RANBP2: variants seen among roughly 807,000 people sequenced by gnomAD.
The protein encoded by RANBP2 is RAN binding protein 2.
Under a neutral mutation model 303.6 loss-of-function variants are expected in RANBP2, and 57 were observed. The ratio of observed to expected loss-of-function variants is 0.19; its 90% CI spans 0.15 to 0.23. The LOEUF is 0.23. Ranked by LOEUF, RANBP2 falls within the 10% of genes least tolerant of loss-of-function variation. The probability of loss-of-function intolerance (pLI) is 1.00; values close to 1 mark genes in which losing one functional copy is unlikely to be tolerated. For missense variants in RANBP2, 3,138 were observed against 3,780.8 expected (o/e 0.83, Z 4.46); for synonymous variants, 1,167 against 1,301.5 (o/e 0.90, Z 2.23).
At chr2:109,755,179 G>A in the RANBP2 span, among the ~76,000 whole-genome samples, 1 of 115,484 alleles carries the variant, frequency 8.7e-6, no homozygotes, top group African/African-American at 3.6e-5. Flanking sequence ...TAAGATTTCA[G>A]ATGCTAGGCA....
At chr2:109,078,912 A>AC in the RANBP2 span, among the ~76,000 whole-genome samples, 7 of 151,608 alleles carry the variant, frequency 4.6e-5, no homozygotes, top group African/African-American at 1.2e-4. Context: ...AATGGCATGA[A>AC]CCCGGGAGGC....
the RANBP2 span, among the ~76,000 whole-genome samples, chr2:109,045,540 G>T: frequency 6.6e-6 from 1 of 152,064 alleles, no homozygotes; most frequent in African/African-American, 2.4e-5. Context: ...AGCTAACAAC[G>T]ATCTGATATA....
the RANBP2 span, among the ~76,000 whole-genome samples, chr2:109,339,342 T>C: frequency 6.6e-6 from 1 of 151,980 alleles, no homozygotes; most frequent in African/African-American, 2.4e-5. Flanking sequence ...TAAGATGATG[T>C]GGTGGTTGGT....
chr2:109,031,487 G>C, the RANBP2 span, among the ~76,000 whole-genome samples: 1 of 152,240 alleles, frequency 6.6e-6, no homozygotes, highest in East Asian at 1.9e-4. Flanking sequence ...TCAATCAGTA[G>C]CAGCAGGGGA....
the RANBP2 span, among the ~76,000 whole-genome samples, chr2:109,699,753 G>A: frequency 1.3e-5 from 2 of 152,118 alleles, no homozygotes; most frequent in Admixed American, 1.3e-4. Context: ...ATATTGTTCA[G>A]GGGTCAACTG....
chr2:109,624,383 T>C, the RANBP2 span, among the ~76,000 whole-genome samples: 1 of 152,244 alleles, frequency 6.6e-6, no homozygotes, highest in Non-Finnish European at 1.5e-5. Flanking sequence ...ACTCTGACCA[T>C]TATTCTGAAC....
the RANBP2 span, among the ~76,000 whole-genome samples, chr2:109,076,102 G>A: frequency 1.3e-5 from 2 of 150,420 alleles, 1 homozygote; most frequent in Non-Finnish European, 3.0e-5. Context: ...TGACTAAAGT[G>A]GGATTTATCC....
the RANBP2 span, among the ~76,000 whole-genome samples, chr2:109,013,510 T>C: frequency 6.6e-6 from 1 of 152,112 alleles, no homozygotes; most frequent in Non-Finnish European, 1.5e-5. Context: ...GGGTGTGTGC[T>C]CCGGTGACGT....
the RANBP2 span, among the ~76,000 whole-genome samples, chr2:109,554,264 T>C: frequency 6.6e-6 from 1 of 152,162 alleles, no homozygotes. Context: ...CACGATGTAA[T>C]TCAAAAACAA....
At chr2:109,648,590 G>A in the RANBP2 span, among the ~76,000 whole-genome samples, 18 of 151,234 alleles carry the variant, frequency 1.2e-4, no homozygotes, top group South Asian at 4.2e-4. Context: ...TGATCCACCC[G>A]CCTTGGCCTC....
At chr2:109,730,045 C>A in the RANBP2 span, among the ~76,000 whole-genome samples, 1 of 152,182 alleles carries the variant, frequency 6.6e-6, no homozygotes, top group African/African-American at 2.4e-5. Context: ...ATGATCCAAT[C>A]ACCTTTCTCC....
At chr2:108,907,628 A>T in the RANBP2 span, among the ~76,000 whole-genome samples, 1 of 150,256 alleles carries the variant, frequency 6.7e-6, no homozygotes, top group East Asian at 2.0e-4. Context: ...AGGCTGGGTG[A>T]CAGAGCAAGA....
chr2:109,563,792 A>C, the RANBP2 span, among the ~76,000 whole-genome samples: 12 of 152,330 alleles, frequency 7.9e-5, no homozygotes, highest in South Asian at 1.7e-3. Flanking sequence ...CCTTTACAGA[A>C]GAAAAACCAA....
At chr2:109,255,299 C>G in the RANBP2 span, among the ~76,000 whole-genome samples, 40 of 152,204 alleles carry the variant, frequency 2.6e-4, no homozygotes, top group African/African-American at 8.7e-4. Context: ...TCCAGCAGAC[C>G]CCATACCACC....
chr2:109,149,014 A>G, the RANBP2 span, among the ~76,000 whole-genome samples: 4 of 152,308 alleles, frequency 2.6e-5, no homozygotes, highest in South Asian at 8.3e-4. Flanking sequence ...TTTCAACTGC[A>G]GATCCCCCTT....
At chr2:109,171,780 G>T in the RANBP2 span, among the ~76,000 whole-genome samples, 7 of 152,190 alleles carry the variant, frequency 4.6e-5, no homozygotes, top group African/African-American at 1.4e-4. Flanking sequence ...CGTGCATCCC[G>T]GCCACGCTCA....
the RANBP2 span, among the ~76,000 whole-genome samples, chr2:109,163,713 G>A: frequency 6.6e-6 from 1 of 152,140 alleles, no homozygotes; most frequent in Non-Finnish European, 1.5e-5. Context: ...ATATTCTTAA[G>A]CTTGGAGACT....
At chr2:109,500,020 C>T in the RANBP2 span, among the ~76,000 whole-genome samples, 1 of 152,032 alleles carries the variant, frequency 6.6e-6, no homozygotes, top group South Asian at 2.1e-4. Context: ...GCGGGTGGTC[C>T]GTGTGAACAC....
the RANBP2 span, chr2:108,876,222 G>GT: frequency 1.9e-6 from 3 of 1,612,380 alleles, no homozygotes; most frequent in African/African-American, 1.3e-5. Flanking sequence ...TTAACAAAAT[G>GT]TAACTCCCTG....
Sources: allele counts gnomAD v4.1 joint callset (sites outside exome capture counted in the v4.1 genomes callset), GRCh38; gene constraint gnomAD v4.1.1; transcripts MANE v1.5; gene names NCBI Gene and HGNC (gene_info 2026-07-23, HGNC 2026-07-21).